The following NAV2 variants were observed in gnomAD, a reference collection of about 807,000 sequenced individuals.
NAV2 encodes neuron navigator 2.
NAV2 carries 54 observed loss-of-function variants against 223.2 expected under a neutral mutation model. The ratio of observed to expected loss-of-function variants is 0.24; its 90% confidence interval spans 0.19 to 0.30. NAV2 has a LOEUF of 0.30. NAV2 is among the 10% of genes least tolerant of loss of function. NAV2 has a pLI of 1.00. For synonymous variants in NAV2, 1,279 were observed against 1,239.3 expected, an observed-to-expected ratio of 1.03 and a Z score of -0.67; for missense variants, 2,806 against 3,147.5, an observed-to-expected ratio of 0.89 and a Z score of 2.60.
chr11:19,864,762 A>G (rs1221079548), intron 3 of NAV2, among the ~76,000 whole-genome samples: 1 of 152,204 alleles, frequency 6.6e-6, no homozygotes, highest in Non-Finnish European at 1.5e-5. Flanking sequence ...ATGTTCAGGC[A>G]CTGCACAAGG....
At chr11:19,742,853 T>C (rs1335691504) in intron 1 of NAV2, among the ~76,000 whole-genome samples, 1 of 152,238 alleles carries the variant, frequency 6.6e-6, no homozygotes, top group Non-Finnish European at 1.5e-5. Flanking sequence ...CCTGTCCACT[T>C]TGGTGGCTGT....
chr11:19,859,900 G>A (rs1212480020), intron 3 of NAV2, among the ~76,000 whole-genome samples: 8 of 125,384 alleles, frequency 6.4e-5, no homozygotes, highest in Admixed American at 1.5e-4. Context: ...CGGACGGGGC[G>A]GCTGGCCGGG....
chr11:19,598,493 T>G (rs1307630898), intron 1 of NAV2, among the ~76,000 whole-genome samples: 1 of 152,214 alleles, frequency 6.6e-6, no homozygotes, highest in African/African-American at 2.4e-5. Context: ...TGATGAGTTA[T>G]TGTCTGCTGA....
chr11:19,646,039 A>C (rs1207943802), intron 1 of NAV2, among the ~76,000 whole-genome samples: 1 of 152,200 alleles, frequency 6.6e-6, no homozygotes, highest in Admixed American at 6.5e-5. Flanking sequence ...TGCCACGGGC[A>C]GTGATACCTC....
chr11:20,091,366 C>G (rs2060838164), intron 27 of NAV2, among the ~76,000 whole-genome samples: 6 of 152,180 alleles, frequency 3.9e-5, no homozygotes. Flanking sequence ...TACTCGCCAG[C>G]CAGATGGAGT....
At chr11:20,073,176 G>C (rs1420879547) in intron 22 of NAV2, among the ~76,000 whole-genome samples, 1 of 152,132 alleles carries the variant, frequency 6.6e-6, no homozygotes, top group African/African-American at 2.4e-5. Flanking sequence ...GGCCTTTTCT[G>C]CATCTATTGA....
At chr11:20,059,531 T>C (rs1333795758) in intron 19 of NAV2, among the ~76,000 whole-genome samples, 1 of 152,060 alleles carries the variant, frequency 6.6e-6, no homozygotes, top group African/African-American at 2.4e-5. Flanking sequence ...ATGTGTTGAC[T>C]GAATGAAGGG....
intron 1 of NAV2, among the ~76,000 whole-genome samples, chr11:19,669,442 C>A (rs7927862): frequency 6.6e-6 from 1 of 152,154 alleles, no homozygotes; most frequent in East Asian, 1.9e-4. Context: ...TCAATTTTAA[C>A]ATCACTGAAG....
chr11:19,881,996 T>C (rs996190710), intron 5 of NAV2, among the ~76,000 whole-genome samples: 3 of 152,090 alleles, frequency 2.0e-5, no homozygotes, highest in Non-Finnish European at 2.9e-5. Flanking sequence ...GTCCCTGGAG[T>C]TGCACATTGC....
intron 1 of NAV2, among the ~76,000 whole-genome samples, chr11:19,533,144 A>C (rs993890731): frequency 6.6e-6 from 1 of 152,180 alleles, no homozygotes; most frequent in Non-Finnish European, 1.5e-5. Context: ...CTAATCAAGG[A>C]GCTGAGTAGA....
chr11:19,439,093 G>C (rs547787730), intron 1 of NAV2, among the ~76,000 whole-genome samples: 1 of 152,192 alleles, frequency 6.6e-6, no homozygotes, highest in South Asian at 2.1e-4. Flanking sequence ...GGCCCACAAA[G>C]GGTCACCTCA....
intron 1 of NAV2, among the ~76,000 whole-genome samples, chr11:19,365,628 C>T (rs1848251424): frequency 6.6e-6 from 1 of 152,142 alleles, no homozygotes; most frequent in South Asian, 2.1e-4. Flanking sequence ...ATTTTGTTCC[C>T]AATTAGACTC....
At chr11:20,052,167 G>A (rs1189766426) in intron 17 of NAV2, among the ~76,000 whole-genome samples, 1 of 152,150 alleles carries the variant, frequency 6.6e-6, no homozygotes, top group Non-Finnish European at 1.5e-5. Context: ...AGCATTAAGT[G>A]CTTTCGCATA....
chr11:20,049,616 T>C (rs1336476006), intron 15 of NAV2, among the ~76,000 whole-genome samples: 3 of 152,024 alleles, frequency 2.0e-5, no homozygotes, highest in African/African-American at 7.2e-5. Context: ...GTTGTCATTG[T>C]GGCAAACACC....
intron 22 of NAV2, among the ~76,000 whole-genome samples, chr11:20,075,715 A>G (rs907685474): frequency 2.0e-5 from 3 of 151,928 alleles, no homozygotes; most frequent in Non-Finnish European, 2.9e-5. Flanking sequence ...TACCCCTCAC[A>G]TCTCTCCTTA....
chr11:19,944,479 T>TCCTTTCC (rs539011701), intron 8 of NAV2, among the ~76,000 whole-genome samples: 3 of 151,618 alleles, frequency 2.0e-5, no homozygotes, highest in African/African-American at 4.9e-5. Context: ...TCTCTTCTTC[T>TCCTTTCC]CCTTTCCCCT....
chr11:19,813,879 G>T (rs1229355903), intron 1 of NAV2, among the ~76,000 whole-genome samples: 1 of 152,128 alleles, frequency 6.6e-6, no homozygotes, highest in Non-Finnish European at 1.5e-5. Context: ...AGGGATGTTG[G>T]CAGGGTCTCT....
In NAV2 at chr11:19,990,083, G is replaced by A. The variant is rs559820828; in HGVS notation, c.2768+5836G>A. Among the ~76,000 whole-genome samples the A allele has an allele frequency of 3.3e-5, 5 of 152,270 alleles. No individual in the cohort carries two copies. The East Asian group carries it at 9.6e-4, about 29-fold the overall frequency. ...TAGTTCTTGACTTGTCTCCCTCCCAGACCTGTTGCACATGGACCGTGCGAG... is the reference window on the plus strand; with the variant it reads ...TAGTTCTTGACTTGTCTCCCTCCCAAACCTGTTGCACATGGACCGTGCGAG... On this transcript the variant is annotated intron_variant, in intron 11 of 37. Transcript: ENST00000349880.
intron 1 of NAV2, among the ~76,000 whole-genome samples, chr11:19,378,645 G>A (rs937085944): frequency 1.3e-5 from 2 of 150,590 alleles, no homozygotes; most frequent in Non-Finnish European, 3.0e-5. Context: ...GCTCACGGAG[G>A]AGATGCTCCC....
Sources: allele counts gnomAD v4.1 joint callset (sites outside exome capture counted in the v4.1 genomes callset), GRCh38; gene constraint gnomAD v4.1.1; transcripts MANE v1.5; gene names NCBI Gene and HGNC (gene_info 2026-07-23, HGNC 2026-07-21).